Variants in SLC24A2 observed in about 807,000 individuals in gnomAD.
SLC24A2 encodes sodium/potassium/calcium exchanger 2.
SLC24A2 carries 36 observed loss-of-function variants against 62.0 expected under a neutral mutation model. The observed-to-expected ratio is 0.58, with a 90% CI of 0.44 to 0.77. The LOEUF is 0.77. Ranked by LOEUF, SLC24A2 falls within the 30% of genes least tolerant of loss-of-function variation. The pLI is 0.00. For missense variants in SLC24A2, 846 were observed against 817.9 expected, an observed-to-expected ratio of 1.03 and a Z score of -0.42; for synonymous variants, 358 against 294.0, an observed-to-expected ratio of 1.22 and a Z score of -2.23.
At chr9:19,595,266 C>T (rs1836674792) in intron 5 of SLC24A2, among the ~76,000 whole-genome samples, 1 of 152,202 alleles carries the variant, frequency 6.6e-6, no homozygotes. Context: ...TGGAATCAGC[C>T]TTGCCTTTTT....
chr9:20,250,468 C>T, the SLC24A2 span, among the ~76,000 whole-genome samples: 9 of 152,200 alleles, frequency 5.9e-5, no homozygotes, highest in Non-Finnish European at 1.0e-4. Flanking sequence ...GAGCCATAAC[C>T]ACTTGATCAT....
At chr9:19,598,036 T>C (rs970279361) in intron 4 of SLC24A2, among the ~76,000 whole-genome samples, 1 of 152,170 alleles carries the variant, frequency 6.6e-6, no homozygotes, top group East Asian at 1.9e-4. Context: ...CCTGGCAGAA[T>C]GTGAGCTGTT....
chr9:20,276,671 G>T, the SLC24A2 span, among the ~76,000 whole-genome samples: 4 of 152,206 alleles, frequency 2.6e-5, no homozygotes, highest in African/African-American at 9.7e-5. Context: ...CCTAACAGAT[G>T]TTCTCCATGA....
At chr9:20,015,807 T>C in the SLC24A2 span, among the ~76,000 whole-genome samples, 3 of 152,220 alleles carry the variant, frequency 2.0e-5, no homozygotes, top group African/African-American at 7.2e-5. Flanking sequence ...CTTTTTTAAA[T>C]GTGGGCTTCT....
the SLC24A2 span, among the ~76,000 whole-genome samples, chr9:20,009,697 C>G: frequency 6.6e-6 from 1 of 152,178 alleles, no homozygotes; most frequent in Non-Finnish European, 1.5e-5. Flanking sequence ...GGTAACCCAA[C>G]TAAGCCCTGG....
the SLC24A2 span, among the ~76,000 whole-genome samples, chr9:19,878,652 C>CA: frequency 6.6e-6 from 1 of 151,882 alleles, no homozygotes; most frequent in South Asian, 2.1e-4. Context: ...AAGTGTGTGG[C>CA]ACCTCCTCCT....
chr9:20,165,041 G>T, the SLC24A2 span, among the ~76,000 whole-genome samples: 2 of 149,346 alleles, frequency 1.3e-5, no homozygotes, highest in African/African-American at 2.5e-5. Context: ...GCTAAATGAC[G>T]AGTTAATGGG....
the SLC24A2 span, among the ~76,000 whole-genome samples, chr9:19,983,009 T>C: frequency 6.6e-6 from 1 of 152,150 alleles, no homozygotes; most frequent in Non-Finnish European, 1.5e-5. Context: ...AGAGAACTTC[T>C]TCAACATGAT....
chr9:20,181,885 A>G, the SLC24A2 span, among the ~76,000 whole-genome samples: 1 of 152,240 alleles, frequency 6.6e-6, no homozygotes, highest in Admixed American at 6.5e-5. Context: ...CAATCTATCC[A>G]TCTGACAAAG....
At chr9:20,248,314 A>C in the SLC24A2 span, among the ~76,000 whole-genome samples, 1 of 152,212 alleles carries the variant, frequency 6.6e-6, no homozygotes, top group African/African-American at 2.4e-5. Flanking sequence ...CTAAAGAAAG[A>C]TTTCAAAAAT....
chr9:20,294,591 T>C, the SLC24A2 span, among the ~76,000 whole-genome samples: 1 of 152,192 alleles, frequency 6.6e-6, no homozygotes, highest in Admixed American at 6.5e-5. Context: ...AACTCTGTAT[T>C]AGAGAAAAAC....
At chr9:19,680,957 C>T (rs1315844133) in intron 2 of SLC24A2, among the ~76,000 whole-genome samples, 3 of 151,796 alleles carry the variant, frequency 2.0e-5, no homozygotes, top group Non-Finnish European at 4.4e-5. Flanking sequence ...AGTGCAATAG[C>T]CTCTGGCTTA....
chr9:20,164,662 C>T, the SLC24A2 span, among the ~76,000 whole-genome samples: 1 of 151,778 alleles, frequency 6.6e-6, no homozygotes, highest in Non-Finnish European at 1.5e-5. Context: ...ATAAATCATG[C>T]TGCTATAAAG....
chr9:19,563,176 G>C (rs924550120), intron 7 of SLC24A2, among the ~76,000 whole-genome samples: 2 of 123,336 alleles, frequency 1.6e-5, no homozygotes, highest in Non-Finnish European at 3.8e-5. Context: ...ATTCAGCTTT[G>C]GCATCTCTCC....
the SLC24A2 span, among the ~76,000 whole-genome samples, chr9:20,163,713 G>A: frequency 2.0e-5 from 3 of 152,070 alleles, no homozygotes; most frequent in Non-Finnish European, 4.4e-5. Context: ...GAGGCATCAT[G>A]CTACCTGACT....
intron 4 of SLC24A2, among the ~76,000 whole-genome samples, chr9:19,616,279 G>A (rs1398831232): frequency 6.6e-6 from 1 of 152,192 alleles, no homozygotes; most frequent in Non-Finnish European, 1.5e-5. Flanking sequence ...GCTAGGCTGT[G>A]TATTTAACGC....
the SLC24A2 span, among the ~76,000 whole-genome samples, chr9:20,276,055 C>G: frequency 7.2e-5 from 11 of 152,078 alleles, no homozygotes; most frequent in Non-Finnish European, 1.5e-4. Flanking sequence ...TATCATTCTG[C>G]CCCTGGCCCC....
the SLC24A2 span, among the ~76,000 whole-genome samples, chr9:20,024,787 A>G: frequency 7.2e-5 from 11 of 152,310 alleles, no homozygotes; most frequent in African/African-American, 2.6e-4. Context: ...TCAAGGCCAT[A>G]GAAGAGGACT....
the SLC24A2 span, among the ~76,000 whole-genome samples, chr9:20,203,448 T>A: frequency 6.6e-6 from 1 of 152,144 alleles, no homozygotes; most frequent in African/African-American, 2.4e-5. Context: ...AATTAGCAGG[T>A]GAACTCAGGC....
Sources: gnomAD v4.1 joint callset for allele counts (sites outside exome capture counted in the v4.1 genomes callset) on GRCh38, gnomAD v4.1.1 for gene constraint, MANE v1.5 for transcripts, NCBI Gene and HGNC (gene_info 2026-07-23, HGNC 2026-07-21) for gene names.